CTNNA2: variants seen among roughly 807,000 people sequenced by gnomAD.
CTNNA2 encodes the protein catenin alpha-2.
In CTNNA2, 42 loss-of-function variants were observed where a neutral mutation model predicts 101.0. That is an observed-to-expected ratio of 0.42 (90% CI 0.32 to 0.54). The LOEUF is 0.54. CTNNA2 is among the 20% of genes least tolerant of loss of function. The pLI is 0.14. For synonymous variants in CTNNA2, 450 were observed against 456.4 expected (o/e 0.99, Z 0.18); for missense variants, 871 against 1,223.1 (o/e 0.71, Z 4.29).
chr2:79,644,488 T>C (rs1221866124), intron 1 of CTNNA2, among the ~76,000 whole-genome samples: 1 of 152,212 alleles, frequency 6.6e-6, no homozygotes, highest in Non-Finnish European at 1.5e-5. Flanking sequence ...TTTACAAGCA[T>C]AACACAAGGG....
intron 7 of CTNNA2, chr2:80,299,333 C>T (rs1017826988): frequency 6.6e-6 from 1 of 152,128 alleles, no homozygotes; most frequent in African/African-American, 2.4e-5. Context: ...TTAGTTAAAA[C>T]TACCACTTTC....
At chr2:79,539,332 A>G (rs1301129238) in intron 1 of CTNNA2, among the ~76,000 whole-genome samples, 1 of 152,184 alleles carries the variant, frequency 6.6e-6, no homozygotes, top group Non-Finnish European at 1.5e-5. Flanking sequence ...GCGTGTTTAG[A>G]AAGTGTGAAA....
intron 3 of CTNNA2, among the ~76,000 whole-genome samples, chr2:79,836,148 T>C (rs1305400336): frequency 6.6e-6 from 1 of 152,190 alleles, no homozygotes; most frequent in East Asian, 1.9e-4. Flanking sequence ...CTTTGGAGCT[T>C]CAGATCCTCT....
rs114766182 is a variant in CTNNA2 at position 79,974,365 on chromosome 2, C to A, written c.1056+64568C>A. The stretch of plus-strand genomic sequence containing the variant: ...TTTATGTGGAATCCTAAAAGGTTAG[C>A]GAGAAGGTTCAACACGTTTCTTATT... On this transcript the variant is annotated intron_variant, in intron 7 of 18. Transcript: ENST00000402739. Among the ~76,000 whole-genome samples, 691 of 152,192 alleles carry A rather than the reference C, an allele frequency of 4.5e-3. 7 individuals carry two copies. Among genetic ancestry groups the A allele is most frequent in the African/African-American group, 0.016 (661 of 41,538 alleles).
chr2:79,205,549 G>GAAA (rs1461296060), intron 2 of CTNNA2, among the ~76,000 whole-genome samples: 1 of 152,172 alleles, frequency 6.6e-6, no homozygotes, highest in East Asian at 1.9e-4. Context: ...TAGTTAACCA[G>GAAA]TATGCTGTTG....
chr2:79,473,049 C>A (rs1432033100), intron 4 of CTNNA2, among the ~76,000 whole-genome samples: 1 of 152,186 alleles, frequency 6.6e-6, no homozygotes, highest in Non-Finnish European at 1.5e-5. Flanking sequence ...TCTGAGACCT[C>A]ATGACAATGA....
At chr2:79,678,231 C>T (rs1391933710) in intron 2 of CTNNA2, among the ~76,000 whole-genome samples, 3 of 152,142 alleles carry the variant, frequency 2.0e-5, no homozygotes, top group African/African-American at 7.2e-5. Context: ...AGTATCATCA[C>T]ATTTTAAGGT....
chr2:79,648,720 AT>A (rs1037019769), intron 1 of CTNNA2, among the ~76,000 whole-genome samples: 5 of 151,998 alleles, frequency 3.3e-5, no homozygotes, highest in African/African-American at 1.2e-4. Context: ...AGAGGTGGGG[AT>A]TTTGCGGTCC....
At chr2:79,809,506 A>T (rs1371204759) in intron 3 of CTNNA2, among the ~76,000 whole-genome samples, 1 of 152,102 alleles carries the variant, frequency 6.6e-6, no homozygotes, top group Non-Finnish European at 1.5e-5. Flanking sequence ...ATGTTATCTC[A>T]TGTGGTTTTG....
At position 79,276,934 on chromosome 2, in the gene CTNNA2, G is replaced by A. The variant is rs529090168; in HGVS notation, c.-405-35775G>A. Reference sequence around the variant, plus strand: ...CATCTAAGCCTGCATGTTCACATGCGCATAGATGTGCACACACACACATGC... The same window carrying A: ...CATCTAAGCCTGCATGTTCACATGCACATAGATGTGCACACACACACATGC... On this transcript the variant is annotated intron_variant, in intron 2 of 21. Coordinates refer to the CTNNA2 transcript ENST00000466387. 4.6e-5 allele frequency among the ~76,000 whole-genome samples: 7 copies of A among 152,210 alleles called. No homozygotes were observed. In the East Asian group the frequency reaches 5.8e-4, roughly 13 times the overall value.
At chr2:79,386,389 A>G (rs780031602) in intron 4 of CTNNA2, among the ~76,000 whole-genome samples, 1 of 152,178 alleles carries the variant, frequency 6.6e-6, no homozygotes, top group Non-Finnish European at 1.5e-5. Context: ...TTGGGAGCTG[A>G]TGGTTTAAAA....
chr2:79,680,779 T>G (rs1409320518), intron 2 of CTNNA2, among the ~76,000 whole-genome samples: 2 of 152,220 alleles, frequency 1.3e-5, no homozygotes, highest in African/African-American at 4.8e-5. Context: ...GTATTACTGC[T>G]GCTCCTGCTA....
intron 3 of CTNNA2, among the ~76,000 whole-genome samples, chr2:79,349,323 C>T (rs570247648): frequency 2.0e-3 from 310 of 152,258 alleles, no homozygotes; most frequent in African/African-American, 7.4e-3. Context: ...AGCAGTGTTT[C>T]TTTGAAATTC....
intron 2 of CTNNA2, among the ~76,000 whole-genome samples, chr2:79,245,584 G>A (rs949782844): frequency 9.9e-5 from 15 of 152,174 alleles, no homozygotes; most frequent in African/African-American, 3.6e-4. Flanking sequence ...AATCATGCAA[G>A]GACTCACTTT....
intron 3 of CTNNA2, among the ~76,000 whole-genome samples, chr2:79,763,337 T>C (rs971886322): frequency 6.6e-6 from 1 of 152,202 alleles, no homozygotes; most frequent in Non-Finnish European, 1.5e-5. Context: ...TATTTTTCTT[T>C]CATGCAGCAG....
At chr2:80,081,330 G>A (rs1699130250) in intron 7 of CTNNA2, among the ~76,000 whole-genome samples, 2 of 151,504 alleles carry the variant, frequency 1.3e-5, no homozygotes, top group South Asian at 4.2e-4. Context: ...ATTCCCAGCA[G>A]CTCATAAACT....
chr2:80,243,305 T>A (rs1671082855), intron 7 of CTNNA2, among the ~76,000 whole-genome samples: 1 of 152,168 alleles, frequency 6.6e-6, no homozygotes, highest in Non-Finnish European at 1.5e-5. Flanking sequence ...CTGCACATAT[T>A]TAAAATAAAC....
chr2:80,311,176 T>C (rs542752323), intron 7 of CTNNA2, among the ~76,000 whole-genome samples: 1 of 152,282 alleles, frequency 6.6e-6, no homozygotes, highest in East Asian at 1.9e-4. Flanking sequence ...AATATCCTTA[T>C]ACCTTTGAAT....
chr2:80,028,157 G>A (rs1183623355), intron 7 of CTNNA2: 3 of 152,138 alleles, frequency 2.0e-5, no homozygotes, highest in Non-Finnish European at 4.4e-5. Flanking sequence ...ATCCTGGGAT[G>A]GAATGGCTCC....
Sources: allele counts gnomAD v4.1 joint callset (sites outside exome capture counted in the v4.1 genomes callset), GRCh38; gene constraint gnomAD v4.1.1; transcripts MANE v1.5; gene names NCBI Gene and HGNC (gene_info 2026-07-23, HGNC 2026-07-21).